YWHAE: variants seen among roughly 807,000 people sequenced by gnomAD.
YWHAE encodes 14-3-3 protein epsilon.
A neutral mutation model predicts 30.1 loss-of-function variants in YWHAE; 4 were observed. The observed-to-expected ratio is 0.13, with a 90% confidence interval of 0.07 to 0.30. YWHAE has a LOEUF of 0.30. Among genes scored for constraint, YWHAE ranks in the 10% least tolerant of loss-of-function variants. The probability of loss-of-function intolerance (pLI) is 1.00; values close to 1 mark genes in which losing one functional copy is unlikely to be tolerated. For synonymous variants in YWHAE, 118 were observed against 111.8 expected, an observed-to-expected ratio of 1.06 and a Z score of -0.35; for missense variants, 121 against 315.9, an observed-to-expected ratio of 0.38 and a Z score of 4.68.
At chr17:1,365,163 T>A in intron 1 of YWHAE, 105 bp from the exon 2 acceptor site, 1 of 1,216,288 alleles carries the variant, frequency 8.2e-7, no homozygotes, top group Non-Finnish European at 1.1e-6. Context: ...AAAAACATTT[T>A]AACAAAAATA....
At chr17:1,375,552 A>C (rs111459734) in intron 1 of YWHAE, among the ~76,000 whole-genome samples, 44 of 152,336 alleles carry the variant, frequency 2.9e-4, no homozygotes, top group African/African-American at 1.0e-3. Context: ...GTTTTGCTAC[A>C]GTAATTTTGA....
In YWHAE at chr17:1,358,149, G is replaced by C. The variant is rs544950565; in HGVS notation, c.578+2943C>G. ...CAGGCCTGTATTCTCAGCATTTTGG[G>C]AGGCTAAGGCAAGAGGATTACTTGA... On this transcript the variant is annotated intron_variant, in intron 4 of 5. Coordinates refer to ENST00000264335, the MANE Select transcript of YWHAE (RefSeq NM_006761.5). Among the ~76,000 whole-genome samples, 86 of 152,254 alleles carry C rather than the reference G, an allele frequency of 5.6e-4. 1 individual carries two copies. In the Middle Eastern group the frequency reaches 0.01, roughly 18 times the overall value.
At chr17:1,349,331 T>C (rs898287749) in intron 5 of YWHAE, among the ~76,000 whole-genome samples, 1 of 152,152 alleles carries the variant, frequency 6.6e-6, no homozygotes. Context: ...AACAGAGTGA[T>C]ACTCCATCTC....
intron 4 of YWHAE, among the ~76,000 whole-genome samples, chr17:1,355,812 G>A (rs1035981981): frequency 9.2e-5 from 14 of 152,056 alleles, no homozygotes; most frequent in Admixed American, 4.6e-4. Context: ...ATGCGTGCGC[G>A]CAGATCACTT....
At chr17:1,396,247 G>A (rs1021790156) in intron 1 of YWHAE, among the ~76,000 whole-genome samples, 7 of 151,588 alleles carry the variant, frequency 4.6e-5, no homozygotes, top group East Asian at 3.9e-4. Context: ...TGGAGAAACC[G>A]TGTCTCTACT....
intron 1 of YWHAE, among the ~76,000 whole-genome samples, chr17:1,396,551 G>A (rs1199611259): frequency 6.6e-6 from 1 of 152,194 alleles, no homozygotes; most frequent in Non-Finnish European, 1.5e-5. Flanking sequence ...GACTAGGAAA[G>A]GACAAAACCA....
intron 1 of YWHAE, chr17:1,398,863 G>A (rs1158185067): frequency 6.6e-6 from 1 of 152,008 alleles, no homozygotes; most frequent in African/African-American, 2.4e-5. Flanking sequence ...GAACAAAGAG[G>A]ACCTACTAAT....
intron 5 of YWHAE, among the ~76,000 whole-genome samples, chr17:1,352,962 C>T (rs1400914137): frequency 6.6e-6 from 1 of 152,194 alleles, no homozygotes; most frequent in African/African-American, 2.4e-5. Flanking sequence ...TCCTCTTCTC[C>T]ATCCCTGTTC....
chr17:1,375,392 G>A (rs553799029), intron 1 of YWHAE, among the ~76,000 whole-genome samples: 37 of 152,252 alleles, frequency 2.4e-4, no homozygotes, highest in African/African-American at 8.7e-4. Flanking sequence ...AGCATTTCCT[G>A]AAATCACCTT....
At chr17:1,370,570 A>G (rs1028869704) in intron 1 of YWHAE, among the ~76,000 whole-genome samples, 1 of 152,090 alleles carries the variant, frequency 6.6e-6, no homozygotes, top group African/African-American at 2.4e-5. Context: ...AGCTGAGACT[A>G]CAAGTGGGCG....
At chr17:1,349,211 G>T (rs1245122605) in intron 5 of YWHAE, among the ~76,000 whole-genome samples, 1 of 151,944 alleles carries the variant, frequency 6.6e-6, no homozygotes, top group Non-Finnish European at 1.5e-5. Flanking sequence ...CGTGGTGGTG[G>T]GCACCTGTAG....
At chr17:1,348,092 G>A (rs2072557004) in intron 5 of YWHAE, 1 of 681,298 alleles carries the variant, frequency 1.5e-6, no homozygotes, top group Non-Finnish European at 1.8e-6. Flanking sequence ...CAGGACAAAG[G>A]AAAACAATGA....
rs962451605 is a variant in YWHAE, at chr17:1,352,821, G to A, written c.715+1390C>T. The stretch of plus-strand genomic sequence containing the variant: ...ATTATAGGCATGAGCCACCGCGCCC[G>A]GCACAGCCTTAGAAACATTCTTAAA... On this transcript the variant is annotated intron_variant, in intron 5 of 5. Coordinates refer to ENST00000264335, the MANE Select transcript of YWHAE (RefSeq NM_006761.5). 5.9e-5 allele frequency among the ~76,000 whole-genome samples: 9 copies of A among 152,166 alleles called. No homozygotes were observed. In the South Asian group the frequency reaches 1.2e-3, roughly 21 times the overall value.
At chr17:1,358,152 G>A (rs1361294680) in intron 4 of YWHAE, among the ~76,000 whole-genome samples, 1 of 152,144 alleles carries the variant, frequency 6.6e-6, no homozygotes, top group Non-Finnish European at 1.5e-5. Context: ...ATTTTGGGAG[G>A]CTAAGGCAAG....
At position 1,363,653 on chromosome 17, in the gene YWHAE, T is replaced by C. The variant is rs530749301; in HGVS notation, c.264+1206A>G. Reference sequence around the variant, plus strand: ...TCATAGTTGGGATAATACCTCCCCCTTCCAGTGCCATTTTAAAGATTTCAT... The same window carrying C: ...TCATAGTTGGGATAATACCTCCCCCCTCCAGTGCCATTTTAAAGATTTCAT... On this transcript the variant is annotated intron_variant, in intron 2 of 5. Coordinates refer to ENST00000264335, the MANE Select transcript of YWHAE (RefSeq NM_006761.5). Among the ~76,000 whole-genome samples the C allele has an allele frequency of 6.6e-4, 100 of 152,278 alleles. 1 individual carries two copies. Among genetic ancestry groups the C allele is most frequent in the South Asian group, 1.9e-3 (9 of 4,830 alleles).
In YWHAE at chr17:1,345,290, A is replaced by T. The variant is rs1032451101; in HGVS notation, c.*157T>A. 6.9e-4 allele frequency: 138 copies of T among 200,712 alleles called. No individual in the cohort carries two copies. The highest frequency in any genetic ancestry group is 3.0e-3 in the East Asian group (27 of 9,080). The allele number at this position is 200,712 out of a possible 1,614,324, so 12.4% of individuals were successfully genotyped here. A position where few individuals can be genotyped will look rare whatever the true frequency, so the allele number is the denominator to read the frequency against. ...CTTTAAGAACTTTTGAAAACTGTTT[A>T]AAAAAAAAAAAAAAAAACCAACAGG... On this transcript the variant is annotated 3_prime_UTR_variant, in exon 6 of 6. Transcript: ENST00000264335.
At chr17:1,365,881 G>A (rs1859760696) in intron 1 of YWHAE, among the ~76,000 whole-genome samples, 1 of 152,106 alleles carries the variant, frequency 6.6e-6, no homozygotes, top group Non-Finnish European at 1.5e-5. Context: ...GCTGAGGCAG[G>A]AGAATCACTC....
chr17:1,395,644 A>G (rs1483213363), intron 1 of YWHAE, among the ~76,000 whole-genome samples: 1 of 149,548 alleles, frequency 6.7e-6, no homozygotes, highest in Non-Finnish European at 1.5e-5. Context: ...TTACTGGCCT[A>G]CAGTCAAAGA....
intron 1 of YWHAE, among the ~76,000 whole-genome samples, chr17:1,389,712 A>T (rs112948359): frequency 6.7e-6 from 1 of 150,324 alleles, no homozygotes; most frequent in African/African-American, 2.4e-5. Context: ...TTGTATTTTT[A>T]GTAGAGACAG....
Sources: allele counts gnomAD v4.1 joint callset (sites outside exome capture counted in the v4.1 genomes callset), GRCh38; gene constraint gnomAD v4.1.1; transcripts MANE v1.5; gene names NCBI Gene and HGNC (gene_info 2026-07-23, HGNC 2026-07-21).